The following A4GALT variants were observed in gnomAD, a reference collection of about 807,000 sequenced individuals.
A4GALT encodes lactosylceramide 4-alpha-galactosyltransferase.
For missense variants in A4GALT, 512 were observed against 486.0 expected, an observed-to-expected ratio of 1.05 and a Z score of -0.50; for synonymous variants, 257 against 220.7, an observed-to-expected ratio of 1.16 and a Z score of -1.46.
At chr22:42,709,520 T>C (rs550774517) in intron 1 of A4GALT, among the ~76,000 whole-genome samples, 122 of 152,150 alleles carry the variant, frequency 8.0e-4, no homozygotes, top group African/African-American at 2.7e-3. Context: ...CCAAGTACGG[T>C]GGCTCGTGCC....
At chr22:42,704,145 G>C (rs1231980244) in intron 1 of A4GALT, among the ~76,000 whole-genome samples, 2 of 152,140 alleles carry the variant, frequency 1.3e-5, no homozygotes, top group African/African-American at 4.8e-5. Context: ...TTCTACCCAA[G>C]AAGTAAGAAT....
At chr22:42,703,256 TTTG>T (rs1304157501) in intron 1 of A4GALT, among the ~76,000 whole-genome samples, 2 of 110,092 alleles carry the variant, frequency 1.8e-5, no homozygotes, top group Non-Finnish European at 3.7e-5. Flanking sequence ...TTTGTTTGTT[TTTG>T]TTTTTTTTTT....
intron 1 of A4GALT, chr22:42,718,102 AAAGTC>A (rs1212779490): frequency 3.9e-5 from 6 of 152,266 alleles, no homozygotes; most frequent in Non-Finnish European, 8.8e-5. Flanking sequence ...ATATTTTTAA[AAAGTC>A]AAGAGATCCA....
chr22:42,720,048 A>T (rs1460455671), intron 1 of A4GALT, among the ~76,000 whole-genome samples: 2 of 152,146 alleles, frequency 1.3e-5, no homozygotes, highest in African/African-American at 2.4e-5. Context: ...GTGAAACGGG[A>T]TGGGCGCTGG....
intron 1 of A4GALT, among the ~76,000 whole-genome samples, chr22:42,709,067 A>ATATATATTTTTTTTTTTT (rs1180529043): frequency 7.8e-6 from 1 of 128,806 alleles, no homozygotes; most frequent in South Asian, 2.6e-4. Flanking sequence ...ATATATATAT[A>ATATATATTTTTTTTTTTT]TTTTTTTTAA....
intron 1 of A4GALT, among the ~76,000 whole-genome samples, chr22:42,698,417 C>T (rs1321791490): frequency 6.6e-6 from 1 of 152,188 alleles, no homozygotes; most frequent in Non-Finnish European, 1.5e-5. Flanking sequence ...CAAGCTGGTG[C>T]TTTTCATCCC....
intron 1 of A4GALT, among the ~76,000 whole-genome samples, chr22:42,703,670 C>T (rs903479630): frequency 1.3e-5 from 2 of 152,124 alleles, no homozygotes; most frequent in African/African-American, 4.8e-5. Flanking sequence ...AGGTCACTTT[C>T]CTTTTTGGGC....
intron 1 of A4GALT, among the ~76,000 whole-genome samples, chr22:42,707,675 C>A (rs955334810): frequency 4.6e-5 from 7 of 152,214 alleles, no homozygotes; most frequent in Admixed American, 3.9e-4. Context: ...AACACCACCA[C>A]CACCAACAAA....
chr22:42,704,869 TGGGGGGGGGCGG>T (rs1356700269), intron 1 of A4GALT, among the ~76,000 whole-genome samples: 1 of 105,448 alleles, frequency 9.5e-6, no homozygotes, highest in Non-Finnish European at 2.0e-5. Context: ...GACATGGCAA[TGGGGGGGGGCGG>T]GGGGGGGCGG....
chr22:42,718,693 G>A (rs961859652), intron 1 of A4GALT: 1 of 151,944 alleles, frequency 6.6e-6, no homozygotes, highest in African/African-American at 2.4e-5. Flanking sequence ...TATTCAGGAA[G>A]CACCTGCTAG....
chr22:42,693,823 C>T lies in A4GALT; in HGVS notation c.129G>A (p.Val43=). 6.2e-7 allele frequency: 1 copy of T among 1,606,970 alleles called. No homozygotes were observed. The highest frequency in any genetic ancestry group is 8.5e-7 in the Non-Finnish European group (1 of 1,177,054). Residue 43 remains valine (V), a synonymous_variant, in exon 3 of 3, where the codon GTG becomes GTA. Coordinates refer to ENST00000642412, the MANE Select transcript of A4GALT (RefSeq NM_017436.7). The part of the protein sequence containing the change: ...FVSIMIYWHV[V]GEPKEKGQLY... ...GCTGCCCTTTCTCCTTGGGCTCTCC[C>T]ACAACGTGCCAGTAGATCATGATGG...
At chr22:42,703,143 T>TGTGTG (rs1555887019) in intron 1 of A4GALT, among the ~76,000 whole-genome samples, 8 of 148,296 alleles carry the variant, frequency 5.4e-5, no homozygotes, top group Non-Finnish European at 9.0e-5. Flanking sequence ...TGTGTGTGTG[T>TGTGTG]TGTCCCCACC....
chr22:42,714,814 A>G (rs1355897496), intron 1 of A4GALT, among the ~76,000 whole-genome samples: 1 of 152,144 alleles, frequency 6.6e-6, no homozygotes, highest in African/African-American at 2.4e-5. Context: ...AAAATGTGCC[A>G]AGAGAAAAAT....
rs148907220 is a variant in A4GALT, at chr22:42,694,433, C to T, written c.-46-436G>A. 5.0e-4 allele frequency: 92 copies of T among 185,450 alleles called. No homozygotes were observed. The East Asian group carries it at 0.01, about 21-fold the overall frequency. The allele number at this position is 185,450 out of a possible 1,614,324, so 11.5% of individuals were successfully genotyped here. Reference sequence around the variant, plus strand: ...AGCTCCATAAACCAGGCCTGGGGTTCGTCTAAGGACAGGCCACTGAGGGGC... The same window carrying T: ...AGCTCCATAAACCAGGCCTGGGGTTTGTCTAAGGACAGGCCACTGAGGGGC... On this transcript the variant is annotated intron_variant, in intron 2 of 2. Coordinates refer to ENST00000642412, the MANE Select transcript of A4GALT (RefSeq NM_017436.7).
chr22:42,714,501 G>C (rs1921991933), intron 1 of A4GALT, among the ~76,000 whole-genome samples: 1 of 151,616 alleles, frequency 6.6e-6, no homozygotes, highest in Non-Finnish European at 1.5e-5. Context: ...TTTGCGCCCA[G>C]AAGACTGAGC....
At chr22:42,700,673 T>C (rs1211850248) in intron 1 of A4GALT, among the ~76,000 whole-genome samples, 1 of 152,158 alleles carries the variant, frequency 6.6e-6, no homozygotes, top group East Asian at 1.9e-4. Flanking sequence ...TCACCAGCCA[T>C]GTGACTGCAG....
At chr22:42,714,115 C>G (rs1921941975) in intron 1 of A4GALT, among the ~76,000 whole-genome samples, 1 of 151,600 alleles carries the variant, frequency 6.6e-6, no homozygotes, top group African/African-American at 2.4e-5. Flanking sequence ...GACCACATCA[C>G]TACAAAAAAT....
chr22:42,694,042 C>G, intron 2 of A4GALT, 45 bp from the exon 3 acceptor site: 2 of 1,200,868 alleles, frequency 1.7e-6, no homozygotes, highest in South Asian at 1.3e-5. Context: ...GTTGGCATTC[C>G]CGATCCACAA....
intron 1 of A4GALT, among the ~76,000 whole-genome samples, chr22:42,708,307 G>T (rs1429585903): frequency 6.6e-6 from 1 of 151,930 alleles, no homozygotes; most frequent in Non-Finnish European, 1.5e-5. Context: ...GAACCCAGGA[G>T]AAGGAGGTTG....
Sources: gnomAD v4.1 joint callset for allele counts (sites outside exome capture counted in the v4.1 genomes callset) on GRCh38, gnomAD v4.1.1 for gene constraint, MANE v1.5 for transcripts, NCBI Gene and HGNC (gene_info 2026-07-23, HGNC 2026-07-21) for gene names.